The following RYR1 variants were observed in gnomAD, a reference collection of about 807,000 sequenced individuals.
The protein encoded by RYR1 is ryanodine receptor 1.
In RYR1, 342 loss-of-function variants were observed where a neutral mutation model predicts 583.5. That is an observed-to-expected ratio of 0.59 (90% CI 0.54 to 0.64). The LOEUF is 0.64. Among genes scored for constraint, RYR1 ranks in the 30% least tolerant of loss-of-function variants. RYR1 has a pLI of 0.00. For synonymous variants in RYR1, 2,791 were observed against 2,822.5 expected (o/e 0.99, Z 0.35); for missense variants, 6,032 against 6,917.2 (o/e 0.87, Z 4.54).
chr19:38,548,327 G>T lies in RYR1; in HGVS notation c.12189G>T (p.Met4063Ile), dbSNP rs940252727. ...AGATGATCCTCAAGTTCTTCGACATGTTCCTGAAACTCAAGGACATTGTGG... is the reference window on the plus strand; with the variant it reads ...AGATGATCCTCAAGTTCTTCGACATTTTCCTGAAACTCAAGGACATTGTGG... ...NVEMILKFFD[M>I]FLKLKDIVGS... Residue 4063 changes from methionine (M) to isoleucine (I), a missense_variant, in exon 89 of 106, where the codon ATG (methionine) becomes ATT (isoleucine). Transcript: ENST00000359596. 6.2e-7 allele frequency: 1 copy of T among 1,614,208 alleles called. No homozygotes were observed. The highest frequency in any genetic ancestry group is 8.5e-7 in the Non-Finnish European group (1 of 1,180,040).
At position 38,433,786 on chromosome 19, in the gene RYR1, C is replaced by CCCCCCCCCCCAGG; in HGVS notation, c.-44_-43insCCCCCCCCCCAGG. On this transcript the variant is annotated 5_prime_UTR_variant, in exon 1 of 106. Transcript: ENST00000359596. ...TCCCGCCCAGCCCGCAGCCCCCTCC[C>CCCCCCCCCCCAGG]TCTGTTCCCCGACCTCAGACCCTGG... is the stretch of plus-strand genomic sequence containing the variant. The CCCCCCCCCCCAGG allele has an allele frequency of 1.4e-6, 2 of 1,441,092 alleles. No individual in the cohort carries two copies. Among genetic ancestry groups the CCCCCCCCCCCAGG allele is most frequent in the Non-Finnish European group, 9.8e-7 (1 of 1,023,448 alleles). The allele number at this position is 1,441,092 out of a possible 1,614,324, so 89.3% of individuals were successfully genotyped here. A position where few individuals can be genotyped will look rare whatever the true frequency, so the allele number is the denominator to read the frequency against.
rs938670458 is a variant in RYR1 at position 38,565,126 on chromosome 19, C to CGCGGGCGCGGCGGAG, written c.12803_12817dup (p.Ala4268_Ala4272dup). ...AGCCGGAGACCGACGAGGACGAGGG[C>CGCGGGCGCGGCGGAG]GCGGGCGCGGCGGAGGCGGGCGCGG... On this transcript the variant is annotated inframe_insertion, in exon 91 of 106. Coordinates refer to ENST00000359596, the MANE Select transcript of RYR1 (RefSeq NM_000540.3). The surrounding 1 kb of genome is among the most constrained non-coding windows in gnomAD (Gnocchi z 4.7). 1.5e-5 allele frequency: 23 copies of CGCGGGCGCGGCGGAG among 1,533,320 alleles called. No individual in the cohort carries two copies. The highest frequency in any genetic ancestry group is 2.1e-4 in the Middle Eastern group (1 of 4,798). 95.0% of individuals were successfully genotyped at this position (1,533,320 alleles called of 1,614,324 possible).
At chr19:38,527,565 C>T in intron 72 of RYR1, 82 bp from the exon 73 acceptor site, 1 of 1,577,160 alleles carries the variant, frequency 6.3e-7, no homozygotes, top group East Asian at 2.3e-5. Context: ...CCATTGAGTC[C>T]TCCCAAAAAC....
At chr19:38,556,060 CGCCATGTTG>C in intron 89 of RYR1, among the ~76,000 whole-genome samples, 1 of 152,026 alleles carries the variant, frequency 6.6e-6, no homozygotes, top group South Asian at 2.1e-4. Flanking sequence ...GACAAGGTTT[CGCCATGTTG>C]GCCAGGGTAG....
intron 50 of RYR1, among the ~76,000 whole-genome samples, 183 bp from the exon 51 acceptor site, chr19:38,504,565 G>A (rs1446682661): frequency 6.6e-6 from 1 of 152,088 alleles, no homozygotes; most frequent in Non-Finnish European, 1.5e-5. Context: ...GCTTGGAGAG[G>A]GCAATATGGG....
At chr19:38,504,068 CA>C in intron 49 of RYR1, 151 bp from the exon 50 acceptor site, 1 of 860,596 alleles carries the variant, frequency 1.2e-6, no homozygotes, top group East Asian at 2.7e-5. Flanking sequence ...ATAAACATAC[CA>C]TTTCTTCCCT....
At chr19:38,574,435 T>C (rs1317078708) in intron 96 of RYR1, among the ~76,000 whole-genome samples, 2 of 150,098 alleles carry the variant, frequency 1.3e-5, no homozygotes, top group East Asian at 2.0e-4. Context: ...CTGGACAACA[T>C]AGAGAGACCT....
intron 64 of RYR1, among the ~76,000 whole-genome samples, chr19:38,515,708 G>C (rs2145675547): frequency 6.6e-6 from 1 of 152,250 alleles, no homozygotes; most frequent in East Asian, 1.9e-4. Flanking sequence ...CTACTCCTAA[G>C]GCTGAGATGG....
chr19:38,499,363 C>A lies in RYR1; in HGVS notation c.7027+120C>A. 1 of 1,519,118 alleles carries A rather than the reference C, an allele frequency of 6.6e-7. No individual in the cohort carries two copies. Among genetic ancestry groups the A allele is most frequent in the Non-Finnish European group, 9.1e-7 (1 of 1,101,260 alleles). 94.1% of individuals were successfully genotyped at this position (1,519,118 alleles called of 1,614,324 possible). On this transcript the variant is annotated intron_variant, in intron 43 of 105. Transcript: ENST00000359596. This position sits in a 1 kb window ranked among gnomAD's most constrained non-coding sequence, Gnocchi z 7.3. Reference sequence around the variant, plus strand: ...GGGTCCAGGCAGGAATCCCTTCCAGCAGGCCTGGGGCTGGCAGGGGCCTGT... The same window carrying A: ...GGGTCCAGGCAGGAATCCCTTCCAGAAGGCCTGGGGCTGGCAGGGGCCTGT...
chr19:38,567,484 T>C (rs1258391670), intron 92 of RYR1, among the ~76,000 whole-genome samples: 1 of 152,078 alleles, frequency 6.6e-6, no homozygotes, highest in Non-Finnish European at 1.5e-5. Context: ...GACCCCCTCC[T>C]AAGTTGAGGA....
rs145943283 is a variant in RYR1 at position 38,448,460 on chromosome 19, C to T, written c.906C>T (p.Asp302=). Residue 302 remains aspartate (D), a synonymous_variant, in exon 10 of 106, where the codon GAC becomes GAT. Coordinates refer to ENST00000359596, the MANE Select transcript of RYR1 (RefSeq NM_000540.3). ...AGGACCAGGGCCTGGTGGTGGTTGA[C>T]GCCAGCAAGGCTCACACCAAGGCTA... is the stretch of plus-strand genomic sequence containing the variant. ...LTEDQGLVVV[D]ASKAHTKATS... is the part of the protein sequence containing the mutation. The T allele has an allele frequency of 1.5e-3, 2,441 of 1,613,838 alleles. 24 individuals are homozygous for T. The African/African-American group carries it at 0.024, about 16-fold the overall frequency.
Position 38,505,788 on chromosome 19 carries a change from C to T in RYR1, c.8401-18C>T. On this transcript the variant is annotated intron_variant, in intron 53 of 105. Transcript: ENST00000359596. ...CTCATCCCATTCCACCAACTCCCCA[C>T]CCTCCTGTCCACCCCAGGACAAAGA... 6.2e-7 allele frequency: 1 copy of T among 1,614,042 alleles called. No homozygotes were observed. Among genetic ancestry groups the T allele is most frequent in the Non-Finnish European group, 8.5e-7 (1 of 1,179,998 alleles).
chr19:38,492,394 A>C, intron 37 of RYR1, 96 bp from the exon 38 acceptor site: 2 of 1,324,902 alleles, frequency 1.5e-6, no homozygotes, highest in Non-Finnish European at 1.1e-6. Flanking sequence ...GAAAAACTCC[A>C]TGCATGCATG....
At chr19:38,438,368 A>T (rs1469058097) in intron 1 of RYR1, among the ~76,000 whole-genome samples, 2 of 144,336 alleles carry the variant, frequency 1.4e-5, no homozygotes, top group Admixed American at 1.5e-4. Flanking sequence ...ATGAGGATTT[A>T]AGCTCCCTGA....
rs1218466547 is a variant in RYR1, at chr19:38,543,586, C to G, written c.11833C>G (p.Gln3945Glu). ...YYSGKDVIEE[Q>E]GKRNFSKAMS... ...CTCGGGCAAGGATGTCATTGAAGAG[C>G]AGGGCAAGAGGAACTTCTCCAAAGC... is the stretch of plus-strand genomic sequence containing the variant. The change falls in exon 86 of 106, where the codon CAG (glutamine) becomes GAG (glutamate). Residue 3945 changes from glutamine (Q) to glutamate (E), a missense_variant. Gln to Glu is a conservative substitution (Grantham distance 29). Coordinates refer to ENST00000359596, the MANE Select transcript of RYR1 (RefSeq NM_000540.3). This position sits in a 1 kb window ranked among gnomAD's most constrained non-coding sequence, Gnocchi z 4.4. 1 of 1,614,082 alleles carries G rather than the reference C, an allele frequency of 6.2e-7. No individual in the cohort carries two copies. The highest frequency in any genetic ancestry group is 1.3e-5 in the African/African-American group (1 of 74,910).
chr19:38,483,079 A>C lies in RYR1; in HGVS notation c.4673A>C (p.Gln1558Pro). ...FPAVFVLPTH[Q>P]NVIQFELGKQ... ...GCCGTCTTCGTCCTGCCCACCCACCAGAACGTCATCCAGTTTGAGCTGGGG... is the reference window on the plus strand; with the variant it reads ...GCCGTCTTCGTCCTGCCCACCCACCCGAACGTCATCCAGTTTGAGCTGGGG... The change falls in exon 32 of 106, where the codon CAG becomes CCG. Residue 1558 changes from glutamine (Q) to proline (P), a missense_variant. Transcript: ENST00000359596. This position sits in a 1 kb window ranked among gnomAD's most constrained non-coding sequence, Gnocchi z 6.3. The C allele has an allele frequency of 6.2e-7, 1 of 1,614,108 alleles. No individual in the cohort carries two copies. Among genetic ancestry groups the C allele is most frequent in the Non-Finnish European group, 8.5e-7 (1 of 1,180,014 alleles).
chr19:38,583,265 C>T (rs1040225683), intron 101 of RYR1, among the ~76,000 whole-genome samples: 14 of 150,646 alleles, frequency 9.3e-5, no homozygotes, highest in Non-Finnish European at 8.9e-5. Context: ...CCATTGCACT[C>T]CAGCCTGGGC....
Position 38,444,468 on chromosome 19 carries a change from C to A in RYR1, c.538-116C>A. 1 of 917,372 alleles carries A rather than the reference C, an allele frequency of 1.1e-6. No homozygotes were observed. The highest frequency in any genetic ancestry group is 1.8e-6 in the Non-Finnish European group (1 of 569,406). The allele number at this position is 917,372 out of a possible 1,614,324, so 56.8% of individuals were successfully genotyped here. ...TTTCCTGATCTGTGATCTCTGATGA[C>A]TCTGTCTCCCATCTGCCGGTTTCCG... On this transcript the variant is annotated intron_variant, in intron 6 of 105. Transcript: ENST00000359596. The surrounding 1 kb of genome is among the most constrained non-coding windows in gnomAD (Gnocchi z 5.1).
At chr19:38,466,425 C>G in intron 24 of RYR1, 27 bp downstream of exon 24, 1 of 1,538,720 alleles carries the variant, frequency 6.5e-7, no homozygotes, top group East Asian at 2.4e-5. Flanking sequence ...GGCCCTGGCC[C>G]TGACTCCTAC....
Sources: gnomAD v4.1 joint callset for allele counts (sites outside exome capture counted in the v4.1 genomes callset) on GRCh38, gnomAD v4.1.1 for gene constraint, Gnocchi (gnomAD v3.1) non-coding constraint, MANE v1.5 for transcripts, NCBI Gene and HGNC (gene_info 2026-07-23, HGNC 2026-07-21) for gene names.